The following PRR16 variants were observed in gnomAD, a reference collection of about 807,000 sequenced individuals.
PRR16 encodes the protein protein Largen.
A neutral mutation model predicts 18.2 loss-of-function variants in PRR16; 6 were observed. The ratio of observed to expected loss-of-function variants is 0.33; its 90% CI spans 0.18 to 0.65. The LOEUF (loss-of-function observed/expected upper bound fraction) is 0.65, where lower values mean the gene tolerates loss of function less well. Ranked by LOEUF, PRR16 falls within the 30% of genes least tolerant of loss-of-function variation. The probability of loss-of-function intolerance (pLI) is 0.74; values close to 1 mark genes in which losing one functional copy is unlikely to be tolerated. For missense variants in PRR16, 412 were observed against 376.6 expected, an observed-to-expected ratio of 1.09 and a Z score of -0.78; for synonymous variants, 151 against 147.8, an observed-to-expected ratio of 1.02 and a Z score of -0.16.
downstream of PRR16, among the ~76,000 whole-genome samples, chr5:120,690,985 A>G (rs1757202505): frequency 6.6e-6 from 1 of 152,186 alleles, no homozygotes; most frequent in South Asian, 2.1e-4. Context: ...ATAAGGAGGA[A>G]ATATTGCTTA....
chr5:120,523,702 T>G (rs1751260820), intron 1 of PRR16, among the ~76,000 whole-genome samples: 1 of 152,158 alleles, frequency 6.6e-6, no homozygotes, highest in African/African-American at 2.4e-5. Context: ...CTTAAAATTA[T>G]ATGTATATTT....
the PRR16 span, among the ~76,000 whole-genome samples, chr5:120,765,545 ATTCT>A: frequency 2.6e-5 from 4 of 152,048 alleles, no homozygotes; most frequent in Admixed American, 2.6e-4. Flanking sequence ...TGTAAAAAGT[ATTCT>A]TTAATACAAA....
intron 1 of PRR16, chr5:120,481,239 C>T (rs1395774146): frequency 5.7e-6 from 3 of 529,636 alleles, no homozygotes; most frequent in Non-Finnish European, 1.0e-5. Context: ...CCTCTGCCTC[C>T]CAGGTTCAAG....
chr5:120,766,497 T>A, the PRR16 span, among the ~76,000 whole-genome samples: 1 of 151,770 alleles, frequency 6.6e-6, no homozygotes, highest in Non-Finnish European at 1.5e-5. Flanking sequence ...GTCAATTGTG[T>A]CATATATACA....
intron 1 of PRR16, among the ~76,000 whole-genome samples, chr5:120,542,552 C>T (rs1751948493): frequency 6.6e-6 from 1 of 152,038 alleles, no homozygotes; most frequent in Non-Finnish European, 1.5e-5. Context: ...TATTTCAGGA[C>T]CCAAACCAAG....
the PRR16 span, among the ~76,000 whole-genome samples, chr5:120,711,369 C>T: frequency 6.6e-6 from 1 of 152,118 alleles, no homozygotes; most frequent in Non-Finnish European, 1.5e-5. Flanking sequence ...GTAATCATGT[C>T]TGTCTCTTTC....
At chr5:120,787,215 A>T in the PRR16 span, among the ~76,000 whole-genome samples, 7 of 152,270 alleles carry the variant, frequency 4.6e-5, no homozygotes, top group East Asian at 5.8e-4. Context: ...ATGCAAAAAA[A>T]TGTGGTTTAA....
In PRR16 at chr5:120,568,389, A is replaced by G. The variant is rs369219567; in HGVS notation, c.159+103744A>G. On this transcript the variant is annotated intron_variant, in intron 1 of 1. Transcript: ENST00000407149. ...TATTACCCCATGGAGCAAGAGATGAACTTAATGTCATTGTTTATGATCAGG... is the reference window on the plus strand; with the variant it reads ...TATTACCCCATGGAGCAAGAGATGAGCTTAATGTCATTGTTTATGATCAGG... Among the ~76,000 whole-genome samples, 4 of 152,102 alleles carry G rather than the reference A, an allele frequency of 2.6e-5. No individual in the cohort carries two copies. In the East Asian group the frequency reaches 7.7e-4, roughly 29 times the overall value.
chr5:120,609,872 G>T (rs941288574), intron 1 of PRR16, among the ~76,000 whole-genome samples: 1 of 152,160 alleles, frequency 6.6e-6, no homozygotes, highest in Non-Finnish European at 1.5e-5. Flanking sequence ...CATGGTCCCA[G>T]AATTACTTTT....
chr5:120,465,955 T>C (rs1427492401), intron 1 of PRR16, among the ~76,000 whole-genome samples: 1 of 152,102 alleles, frequency 6.6e-6, no homozygotes, highest in Middle Eastern at 3.2e-3. Context: ...CCCCGTTACC[T>C]CTATGAACTG....
chr5:120,793,083 A>G, the PRR16 span, among the ~76,000 whole-genome samples: 2 of 152,086 alleles, frequency 1.3e-5, no homozygotes, highest in South Asian at 4.1e-4. Flanking sequence ...GCCCAGGAGA[A>G]GGAGTTTGCA....
At chr5:120,532,773 A>C (rs1751591850) in intron 1 of PRR16, among the ~76,000 whole-genome samples, 1 of 152,122 alleles carries the variant, frequency 6.6e-6, no homozygotes, top group Non-Finnish European at 1.5e-5. Flanking sequence ...TTGTATAAGA[A>C]TTTTTAGGAA....
chr5:120,785,391 A>G, the PRR16 span, among the ~76,000 whole-genome samples: 2 of 152,060 alleles, frequency 1.3e-5, no homozygotes, highest in Non-Finnish European at 1.5e-5. Context: ...AAGAAAGCTC[A>G]TCTCATCATG....
At chr5:120,754,397 T>C in the PRR16 span, among the ~76,000 whole-genome samples, 2 of 99,700 alleles carry the variant, frequency 2.0e-5, no homozygotes, top group African/African-American at 4.2e-5. Context: ...TTATATGTTA[T>C]ATATTATACT....
chr5:120,698,091 G>T, the PRR16 span, among the ~76,000 whole-genome samples: 2 of 152,058 alleles, frequency 1.3e-5, no homozygotes, highest in Non-Finnish European at 2.9e-5. Flanking sequence ...TGAATTGTTG[G>T]GGCGGCGAAA....
At chr5:120,793,208 C>A in the PRR16 span, among the ~76,000 whole-genome samples, 1 of 152,082 alleles carries the variant, frequency 6.6e-6, no homozygotes, top group Non-Finnish European at 1.5e-5. Context: ...TATGGTATAA[C>A]CTTGTGGGAC....
chr5:120,628,925 A>T (rs1235656746), intron 1 of PRR16, among the ~76,000 whole-genome samples: 1 of 152,018 alleles, frequency 6.6e-6, no homozygotes, highest in Non-Finnish European at 1.5e-5. Flanking sequence ...GTGTAGTTTC[A>T]TTATACAGGT....
the PRR16 span, among the ~76,000 whole-genome samples, chr5:120,706,618 AAAGT>A: frequency 6.6e-6 from 1 of 152,216 alleles, no homozygotes; most frequent in African/African-American, 2.4e-5. Flanking sequence ...GGTCTGAGAA[AAAGT>A]AACATTTACT....
At chr5:120,519,056 C>T (rs909224227) in intron 1 of PRR16, among the ~76,000 whole-genome samples, 5 of 151,966 alleles carry the variant, frequency 3.3e-5, no homozygotes, top group Non-Finnish European at 7.4e-5. Context: ...GAACCTTCCC[C>T]CATTCTTCCC....
Sources: allele counts gnomAD v4.1 joint callset (sites outside exome capture counted in the v4.1 genomes callset), GRCh38; gene constraint gnomAD v4.1.1; transcripts MANE v1.5; gene names NCBI Gene and HGNC (gene_info 2026-07-23, HGNC 2026-07-21).